The following FLRT1 variants were observed in gnomAD, a reference collection of about 807,000 sequenced individuals.
FLRT1 encodes the protein fibronectin leucine rich transmembrane protein 1.
FLRT1 carries 14 observed loss-of-function variants against 30.9 expected under a neutral mutation model. The observed-to-expected ratio is 0.45, with a 90% CI of 0.30 to 0.71. FLRT1 has a LOEUF of 0.71. Ranked by LOEUF, FLRT1 falls within the 30% of genes least tolerant of loss-of-function variation. The pLI is 0.08. For missense variants in FLRT1, 737 were observed against 949.2 expected (o/e 0.78, Z 2.94); for synonymous variants, 368 against 430.4 (o/e 0.85, Z 1.80).
chr11:64,089,112 C>T (rs1196492305), intron 1 of FLRT1, among the ~76,000 whole-genome samples: 6 of 152,282 alleles, frequency 3.9e-5, no homozygotes, highest in East Asian at 1.9e-4. Context: ...TGAACCCAGC[C>T]GGAAGGCAGG....
intron 1 of FLRT1, among the ~76,000 whole-genome samples, chr11:64,076,658 C>T (rs952930687): frequency 1.3e-5 from 2 of 152,164 alleles, no homozygotes; most frequent in East Asian, 1.9e-4. Flanking sequence ...CAGAGAGAGA[C>T]GAAATCGCCT....
chr11:64,063,535 C>A (rs747706457), intron 1 of FLRT1, among the ~76,000 whole-genome samples: 1 of 152,194 alleles, frequency 6.6e-6, no homozygotes, highest in East Asian at 1.9e-4. Context: ...CCCCAAAAGT[C>A]TCCGTTACTG....
At chr11:64,047,688 G>A (rs931023321) in intron 1 of FLRT1, among the ~76,000 whole-genome samples, 4 of 152,112 alleles carry the variant, frequency 2.6e-5, no homozygotes, top group Non-Finnish European at 5.9e-5. Flanking sequence ...CCTCAGGTCA[G>A]GAGCTCGAGA....
rs923190659 is a variant in FLRT1, at chr11:64,103,339, G to A, written c.-892G>A. 6 of 152,230 alleles carry A rather than the reference G, an allele frequency of 3.9e-5. No homozygotes were observed. Among genetic ancestry groups the A allele is most frequent in the Non-Finnish European group, 5.9e-5 (4 of 68,046 alleles). The allele number at this position is 152,230 out of a possible 1,614,324, so 9.4% of individuals were successfully genotyped here. ...GCAGCCAAGCAGGACTGAGGCCCTTGCCCCCCAAGCATCTTCTCAAAGAAG... is the reference window on the plus strand; with the variant it reads ...GCAGCCAAGCAGGACTGAGGCCCTTACCCCCCAAGCATCTTCTCAAAGAAG... On this transcript the variant is annotated 5_prime_UTR_variant, in exon 2 of 3. Coordinates refer to ENST00000682287, the MANE Select transcript of FLRT1 (RefSeq NM_013280.5).
At chr11:64,070,344 A>G (rs1487693736) in intron 1 of FLRT1, among the ~76,000 whole-genome samples, 1 of 152,106 alleles carries the variant, frequency 6.6e-6, no homozygotes, top group African/African-American at 2.4e-5. Context: ...TGTGACTGAG[A>G]ATTCCAATGA....
chr11:64,100,653 G>A (rs866049428), intron 1 of FLRT1, among the ~76,000 whole-genome samples: 1 of 152,178 alleles, frequency 6.6e-6, no homozygotes, highest in African/African-American at 2.4e-5. Context: ...GGCTACTAAT[G>A]ATCATCATTA....
chr11:64,114,630 C>A (rs1944941243), intron 2 of FLRT1, among the ~76,000 whole-genome samples: 1 of 135,948 alleles, frequency 7.4e-6, no homozygotes, highest in Non-Finnish European at 1.6e-5. Flanking sequence ...TGGACAGGTG[C>A]ATGCATGAAT....
chr11:64,085,582 C>A (rs750372354), intron 1 of FLRT1, among the ~76,000 whole-genome samples: 1 of 152,236 alleles, frequency 6.6e-6, no homozygotes, highest in Non-Finnish European at 1.5e-5. Context: ...CCGGGTCCAC[C>A]CCAGGCCGCA....
intron 2 of FLRT1, among the ~76,000 whole-genome samples, chr11:64,106,878 T>C (rs573309997): frequency 4.6e-4 from 70 of 151,798 alleles, no homozygotes; most frequent in Non-Finnish European, 9.0e-4. Context: ...TTTCTTTTAT[T>C]TATTTTATTT....
chr11:64,081,931 C>T (rs61205179), intron 1 of FLRT1: 3 of 152,290 alleles, frequency 2.0e-5, no homozygotes, highest in Admixed American at 2.0e-4. Flanking sequence ...TCCCGGCTCT[C>T]GAGTGCCGCG....
intron 1 of FLRT1, among the ~76,000 whole-genome samples, chr11:64,059,400 G>T (rs1049607822): frequency 6.6e-6 from 1 of 152,194 alleles, no homozygotes; most frequent in Non-Finnish European, 1.5e-5. Flanking sequence ...GCTCCCTGTA[G>T]TGGGGGTGGG....
Position 64,090,124 on chromosome 11 carries a change from C to G in FLRT1, c.-1037-13070C>G, listed in dbSNP as rs185860548. 6.6e-6 allele frequency among the ~76,000 whole-genome samples: 1 copy of G among 152,244 alleles called. No homozygotes were observed. The highest frequency in any genetic ancestry group is 1.9e-4 in the East Asian group (1 of 5,182). ...GCTGGGGGAGGGGAAGATATGCACC[C>G]TCTCCCCACGGGGCTAGGGACTCAT... On this transcript the variant is annotated intron_variant, in intron 1 of 2. Coordinates refer to ENST00000682287, the MANE Select transcript of FLRT1 (RefSeq NM_013280.5). The surrounding 1 kb of genome is among the most constrained non-coding windows in gnomAD (Gnocchi z 4.7).
intron 1 of FLRT1, among the ~76,000 whole-genome samples, chr11:64,088,297 G>A (rs1421254554): frequency 1.3e-5 from 2 of 152,162 alleles, no homozygotes; most frequent in Non-Finnish European, 1.5e-5. Context: ...GGGACCTTGC[G>A]TCACTAGGCT....
chr11:64,054,156 G>A (rs1246803058), intron 1 of FLRT1, among the ~76,000 whole-genome samples: 2 of 152,204 alleles, frequency 1.3e-5, no homozygotes, highest in Non-Finnish European at 2.9e-5. Flanking sequence ...CGGCTAGCCA[G>A]GGTCAGGGCA....
chr11:64,115,779 T>C (rs949725326), intron 2 of FLRT1, among the ~76,000 whole-genome samples: 4 of 152,216 alleles, frequency 2.6e-5, no homozygotes, highest in Admixed American at 2.0e-4. Context: ...ACAGCAGCTA[T>C]GAATCCATAA....
chr11:64,085,888 G>T (rs1944385029), intron 1 of FLRT1, among the ~76,000 whole-genome samples: 1 of 152,184 alleles, frequency 6.6e-6, no homozygotes, highest in African/African-American at 2.4e-5. Context: ...GTGAGGAAAG[G>T]GGGCCCTTCT....
chr11:64,105,941 A>T (rs1944755347), intron 2 of FLRT1, among the ~76,000 whole-genome samples: 1 of 95,630 alleles, frequency 1.0e-5, no homozygotes, highest in Admixed American at 1.7e-4. Flanking sequence ...CAGGGTCCTG[A>T]GTGGTGGGTT....
chr11:64,102,732 C>T (rs1289282091), intron 1 of FLRT1, among the ~76,000 whole-genome samples: 1 of 152,078 alleles, frequency 6.6e-6, no homozygotes, highest in African/African-American at 2.4e-5. Flanking sequence ...GGAGAATAAC[C>T]CCAGCCCCTT....
chr11:64,040,220 C>T (rs953826581), intron 1 of FLRT1, among the ~76,000 whole-genome samples: 4 of 148,106 alleles, frequency 2.7e-5, no homozygotes, highest in Admixed American at 6.8e-5. Context: ...GCTCTGAAGG[C>T]GCAAAGTGGT....
Sources: allele counts gnomAD v4.1 joint callset (sites outside exome capture counted in the v4.1 genomes callset), GRCh38; gene constraint gnomAD v4.1.1; non-coding constraint Gnocchi (gnomAD v3.1); transcripts MANE v1.5; gene names NCBI Gene and HGNC (gene_info 2026-07-23, HGNC 2026-07-21).